NRXN3: variants seen among roughly 807,000 people sequenced by gnomAD.
NRXN3 encodes the protein neurexin 3.
A neutral mutation model predicts 137.6 loss-of-function variants in NRXN3; 32 were observed. That is an observed-to-expected ratio of 0.23 (90% CI 0.18 to 0.31). NRXN3 has a LOEUF of 0.31. NRXN3 is among the 10% of genes least tolerant of loss of function. NRXN3 has a pLI of 1.00. For missense variants in NRXN3, 1,574 were observed against 2,062.5 expected (o/e 0.76, Z 4.59); for synonymous variants, 798 against 784.5 (o/e 1.02, Z -0.29).
At chr14:79,565,331 A>ATACGCACACATGTG (rs1567520996) in intron 16 of NRXN3, among the ~76,000 whole-genome samples, 15 of 146,156 alleles carry the variant, frequency 1.0e-4, no homozygotes, top group Non-Finnish European at 1.8e-4. Context: ...GTGTGTATAT[A>ATACGCACACATGTG]TATATACATA....
intron 10 of NRXN3, among the ~76,000 whole-genome samples, chr14:78,953,355 C>T (rs536932718): frequency 5.9e-5 from 9 of 152,254 alleles, no homozygotes; most frequent in African/African-American, 2.2e-4. Context: ...CATAGGGTTA[C>T]TGTAGGATAG....
intron 19 of NRXN3, among the ~76,000 whole-genome samples, chr14:79,755,819 C>T (rs1421130487): frequency 6.6e-6 from 1 of 152,086 alleles, no homozygotes; most frequent in East Asian, 1.9e-4. Flanking sequence ...TTTTAATGAA[C>T]TTTATTATAA....
intron 15 of NRXN3, among the ~76,000 whole-genome samples, chr14:79,252,422 T>C (rs931841547): frequency 3.3e-5 from 5 of 152,354 alleles, no homozygotes; most frequent in African/African-American, 7.2e-5. Flanking sequence ...AGTTTTCCTC[T>C]TCTTATTTCT....
intron 15 of NRXN3, among the ~76,000 whole-genome samples, chr14:79,209,068 A>G (rs1185729834): frequency 6.6e-6 from 1 of 152,014 alleles, no homozygotes; most frequent in African/African-American, 2.4e-5. Flanking sequence ...CCTCCCGAGT[A>G]GCTGGGACTA....
At chr14:78,553,691 G>A (rs1566730586) in intron 4 of NRXN3, among the ~76,000 whole-genome samples, 2 of 152,232 alleles carry the variant, frequency 1.3e-5, no homozygotes, top group Admixed American at 6.5e-5. Context: ...GGCTAGAGCT[G>A]CTTTGTCACA....
chr14:78,876,914 C>A (rs2099115268), intron 10 of NRXN3, among the ~76,000 whole-genome samples: 1 of 152,166 alleles, frequency 6.6e-6, no homozygotes, highest in African/African-American at 2.4e-5. Context: ...TTGTAAAAAA[C>A]CATACTTCCA....
rs540558203 is a variant in NRXN3, at chr14:79,318,155, G to T, written c.3263-149066G>T. ...TTTCCAAAAAAATATAGTGTTTTAT[G>T]CCACAGAGAATCAAGTTGCATTGTG... On this transcript the variant is annotated intron_variant, in intron 15 of 20. Transcript: ENST00000335750. 8.5e-5 allele frequency among the ~76,000 whole-genome samples: 13 copies of T among 152,292 alleles called. No individual in the cohort carries two copies. In the South Asian group the frequency reaches 2.7e-3, roughly 32 times the overall value.
At chr14:78,560,829 C>T (rs936335289) in intron 4 of NRXN3, among the ~76,000 whole-genome samples, 11 of 152,152 alleles carry the variant, frequency 7.2e-5, no homozygotes, top group African/African-American at 2.7e-4. Flanking sequence ...TCTTGCTGGT[C>T]TTGTACTACT....
chr14:79,563,794 A>C (rs2097524797), intron 16 of NRXN3, among the ~76,000 whole-genome samples: 1 of 151,948 alleles, frequency 6.6e-6, no homozygotes, highest in South Asian at 2.1e-4. Flanking sequence ...ATACATTTCT[A>C]CTGTAAGTGG....
intron 15 of NRXN3, among the ~76,000 whole-genome samples, chr14:79,315,107 T>C (rs1044025892): frequency 6.6e-6 from 1 of 152,194 alleles, no homozygotes; most frequent in Admixed American, 6.5e-5. Flanking sequence ...ATTTCCCTCA[T>C]TGTACTTCTT....
At chr14:79,813,513 C>A (rs1371025083) in intron 20 of NRXN3, among the ~76,000 whole-genome samples, 1 of 152,042 alleles carries the variant, frequency 6.6e-6, no homozygotes, top group East Asian at 1.9e-4. Context: ...TAACTATAAT[C>A]ATTATTTTCA....
intron 15 of NRXN3, among the ~76,000 whole-genome samples, chr14:79,150,976 G>C (rs1385894432): frequency 6.6e-6 from 1 of 151,978 alleles, no homozygotes; most frequent in African/African-American, 2.4e-5. Context: ...ACTAGTTTTC[G>C]AGGGTCTTCT....
chr14:78,874,787 A>G (rs2099109906), intron 10 of NRXN3, among the ~76,000 whole-genome samples: 1 of 152,224 alleles, frequency 6.6e-6, no homozygotes, highest in Non-Finnish European at 1.5e-5. Flanking sequence ...GTTCTGAATC[A>G]GGAGCCTGTG....
At chr14:78,272,177 A>C (rs188116669) in intron 2 of NRXN3, among the ~76,000 whole-genome samples, 4 of 152,070 alleles carry the variant, frequency 2.6e-5, no homozygotes, top group African/African-American at 4.8e-5. Flanking sequence ...AAGACTATAC[A>C]TGGAGGCCAG....
In NRXN3 at chr14:78,365,873, G is replaced by A. The variant is rs536647717; in HGVS notation, c.757+68013G>A. ...TTTCTACCAAGAATCTTATGTTTGA[G>A]AGGGTACCCCGAATGAAAGAGGAGC... On this transcript the variant is annotated intron_variant, in intron 4 of 20. Coordinates refer to ENST00000335750, the MANE Select transcript of NRXN3 (RefSeq NM_001330195.2). 6.6e-5 allele frequency among the ~76,000 whole-genome samples: 10 copies of A among 152,292 alleles called. No individual in the cohort carries two copies. In the South Asian group the frequency reaches 2.1e-3, roughly 32 times the overall value.
At chr14:79,123,238 TGCGTGC>T (rs900600366) in intron 15 of NRXN3, among the ~76,000 whole-genome samples, 1 of 151,818 alleles carries the variant, frequency 6.6e-6, no homozygotes, top group African/African-American at 2.4e-5. Flanking sequence ...CGCGCGTGTG[TGCGTGC>T]GCGCACACAC....
At chr14:79,750,135 G>A (rs957739221) in intron 19 of NRXN3, among the ~76,000 whole-genome samples, 7 of 152,082 alleles carry the variant, frequency 4.6e-5, no homozygotes, top group Non-Finnish European at 1.0e-4. Context: ...GAGAAGGACT[G>A]GATTAGAACC....
intron 15 of NRXN3, among the ~76,000 whole-genome samples, chr14:79,462,122 C>T (rs2096352326): frequency 6.6e-6 from 1 of 151,976 alleles, no homozygotes; most frequent in African/African-American, 2.4e-5. Context: ...GCCTGTAATC[C>T]CAGCACTTTG....
At chr14:78,773,348 C>T (rs2098734553) in intron 8 of NRXN3, among the ~76,000 whole-genome samples, 1 of 152,122 alleles carries the variant, frequency 6.6e-6, no homozygotes, top group South Asian at 2.1e-4. Context: ...CCTACTCCTC[C>T]CCTTCCCTTG....
Sources: gnomAD v4.1 joint callset for allele counts (sites outside exome capture counted in the v4.1 genomes callset) on GRCh38, gnomAD v4.1.1 for gene constraint, MANE v1.5 for transcripts, NCBI Gene and HGNC (gene_info 2026-07-23, HGNC 2026-07-21) for gene names.